Variants in RBMS3 observed in about 807,000 individuals in gnomAD.
RBMS3 encodes RNA-binding motif, single-stranded-interacting protein 3.
In RBMS3, 27 loss-of-function variants were observed where a neutral mutation model predicts 66.8. That is an observed-to-expected ratio of 0.40 (90% CI 0.30 to 0.56). The LOEUF (loss-of-function observed/expected upper bound fraction) is 0.56. RBMS3 is among the 20% of genes least tolerant of loss of function. RBMS3 has a pLI of 0.40. For synonymous variants in RBMS3, 188 were observed against 183.0 expected, an observed-to-expected ratio of 1.03 and a Z score of -0.22; for missense variants, 513 against 549.5, an observed-to-expected ratio of 0.93 and a Z score of 0.66.
chr3:29,703,525 T>C lies in RBMS3; in HGVS notation c.400-36195T>C, dbSNP rs190149374. On this transcript the variant is annotated intron_variant, in intron 4 of 14. Transcript: ENST00000383767. The stretch of plus-strand genomic sequence containing the variant: ...ATCTTAGTACATGTAGGTTCACATG[T>C]GCTAACATATCTGCAATGCCCAGAG... Among the ~76,000 whole-genome samples the C allele has an allele frequency of 6.1e-3, 926 of 152,352 alleles. 5 individuals are homozygous for C. The highest frequency in any genetic ancestry group is 0.01 in the Non-Finnish European group (684 of 68,026).
chr3:29,621,661 A>C (rs1437734799), intron 4 of RBMS3, among the ~76,000 whole-genome samples: 1 of 152,222 alleles, frequency 6.6e-6, no homozygotes, highest in Non-Finnish European at 1.5e-5. Flanking sequence ...TAGAATGAAA[A>C]TAAAATGCCT....
chr3:29,620,347 A>G (rs1438950862), intron 4 of RBMS3, among the ~76,000 whole-genome samples: 1 of 152,068 alleles, frequency 6.6e-6, no homozygotes, highest in African/African-American at 2.4e-5. Flanking sequence ...CTACTTTTCA[A>G]TGACTTGTTT....
intron 4 of RBMS3, among the ~76,000 whole-genome samples, chr3:29,701,072 T>A (rs1308562184): frequency 6.6e-6 from 1 of 151,814 alleles, no homozygotes; most frequent in East Asian, 1.9e-4. Context: ...CTCCCAGGAG[T>A]TCGAGACCAG....
At chr3:29,826,563 A>T (rs1283743232) in intron 6 of RBMS3, among the ~76,000 whole-genome samples, 2 of 152,182 alleles carry the variant, frequency 1.3e-5, no homozygotes, top group Admixed American at 6.5e-5. Context: ...TTAAAACAAC[A>T]TAATCTTAAT....
At chr3:29,840,439 G>A (rs1200501521) in intron 6 of RBMS3, among the ~76,000 whole-genome samples, 3 of 151,992 alleles carry the variant, frequency 2.0e-5, no homozygotes, top group Non-Finnish European at 2.9e-5. Context: ...TTTCTTTAAT[G>A]TTTGACATAA....
chr3:29,377,994 A>G (rs549100231), intron 1 of RBMS3, among the ~76,000 whole-genome samples: 4 of 152,304 alleles, frequency 2.6e-5, no homozygotes, highest in African/African-American at 7.2e-5. Flanking sequence ...TCACCTTAAT[A>G]TATAACAGCC....
intron 1 of RBMS3, among the ~76,000 whole-genome samples, chr3:29,365,431 T>G (rs2037843871): frequency 6.6e-6 from 1 of 152,146 alleles, no homozygotes; most frequent in African/African-American, 2.4e-5. Flanking sequence ...TTATTTTCTC[T>G]CTTCGTATCA....
chr3:29,416,880 T>C (rs1185469244), intron 1 of RBMS3, among the ~76,000 whole-genome samples: 1 of 152,172 alleles, frequency 6.6e-6, no homozygotes, highest in Non-Finnish European at 1.5e-5. Context: ...AAATTTACTA[T>C]CCTAACCTTC....
chr3:29,763,876 T>C (rs1428854207), intron 6 of RBMS3, among the ~76,000 whole-genome samples: 1 of 152,072 alleles, frequency 6.6e-6, no homozygotes. Context: ...GTTGGTCTTT[T>C]ATATACAGTT....
intron 1 of RBMS3, among the ~76,000 whole-genome samples, chr3:29,371,752 A>G (rs186280009): frequency 2.6e-4 from 40 of 152,326 alleles, no homozygotes; most frequent in Admixed American, 6.5e-4. Flanking sequence ...AGAAAGGTCC[A>G]GAGTAAAGAT....
chr3:29,724,332 T>C (rs1004016768), intron 4 of RBMS3, among the ~76,000 whole-genome samples: 3 of 152,220 alleles, frequency 2.0e-5, no homozygotes, highest in Non-Finnish European at 4.4e-5. Context: ...AATTTCCTTA[T>C]GTAATAAAAA....
intron 4 of RBMS3, among the ~76,000 whole-genome samples, chr3:29,633,283 T>G (rs190153096): frequency 2.0e-5 from 3 of 151,988 alleles, no homozygotes; most frequent in African/African-American, 7.2e-5. Context: ...ATATATCCTC[T>G]AATAATGGTA....
intron 4 of RBMS3, among the ~76,000 whole-genome samples, chr3:29,691,613 A>T (rs1292064487): frequency 1.3e-5 from 2 of 152,196 alleles, no homozygotes. Flanking sequence ...AAAAAATAAA[A>T]TAAAACAAAA....
intron 6 of RBMS3, among the ~76,000 whole-genome samples, chr3:29,847,746 T>C (rs1375182778): frequency 1.3e-5 from 2 of 151,952 alleles, no homozygotes; most frequent in East Asian, 1.9e-4. Flanking sequence ...GGCTCCGCCT[T>C]CCGGGTTCAC....
intron 2 of RBMS3, among the ~76,000 whole-genome samples, chr3:29,464,324 C>A (rs1218981826): frequency 1.3e-5 from 2 of 152,132 alleles, no homozygotes; most frequent in East Asian, 1.9e-4. Flanking sequence ...AGCTGAATAG[C>A]CGACTGCAGG....
intron 4 of RBMS3, among the ~76,000 whole-genome samples, chr3:29,643,412 A>G (rs2049800083): frequency 6.6e-6 from 1 of 151,974 alleles, no homozygotes; most frequent in Non-Finnish European, 1.5e-5. Flanking sequence ...CTTCCCCCAG[A>G]GTGGTTTCTT....
chr3:29,900,526 G>T (rs932526923), intron 10 of RBMS3, among the ~76,000 whole-genome samples: 4 of 151,632 alleles, frequency 2.6e-5, no homozygotes, highest in Non-Finnish European at 5.9e-5. Context: ...GTCTTCCAGG[G>T]TTTCTAGCTC....
intron 6 of RBMS3, among the ~76,000 whole-genome samples, chr3:29,849,205 TG>T (rs2058868349): frequency 6.6e-6 from 1 of 151,796 alleles, no homozygotes; most frequent in Admixed American, 6.6e-5. Context: ...TGTGTGTGTG[TG>T]TGTATTTCAC....
intron 6 of RBMS3, among the ~76,000 whole-genome samples, chr3:29,785,780 A>G (rs1212302554): frequency 6.6e-6 from 1 of 152,124 alleles, no homozygotes; most frequent in Non-Finnish European, 1.5e-5. Flanking sequence ...GAGAACTGGA[A>G]CAAGAGAAGG....
Sources: allele counts gnomAD v4.1 joint callset (sites outside exome capture counted in the v4.1 genomes callset), GRCh38; gene constraint gnomAD v4.1.1; transcripts MANE v1.5; gene names NCBI Gene and HGNC (gene_info 2026-07-23, HGNC 2026-07-21).